The following EXD2 variants were observed in gnomAD, a reference collection of about 807,000 sequenced individuals.
EXD2 encodes exonuclease 3'-5' domain containing 2.
EXD2 carries 40 observed loss-of-function variants against 62.5 expected under a neutral mutation model. The observed-to-expected ratio is 0.64, with a 90% CI of 0.50 to 0.83. The LOEUF is 0.83. EXD2 is among the 40% of genes least tolerant of loss of function. The pLI, the probability that EXD2 is intolerant of heterozygous loss-of-function variation, is 0.00. For synonymous variants in EXD2, 239 were observed against 291.9 expected (o/e 0.82, Z 1.85); for missense variants, 671 against 761.8 (o/e 0.88, Z 1.40).
In EXD2 at chr14:69,201,675, T is replaced by G. The variant is rs899565345; in HGVS notation, c.-131-2242T>G. On this transcript the variant is annotated intron_variant, in intron 1 of 9. Transcript: ENST00000685843. ...TCTCTCAGCAAGTGTTTTCTCTGTT[T>G]TTTTTTTTTTTTTTTTTTTTTTTTT... Among the ~76,000 whole-genome samples the G allele has an allele frequency of 1.4e-3, 174 of 123,736 alleles. No homozygotes were observed. The Middle Eastern group carries it at 0.015, about 11-fold the overall frequency. The allele number at this position is 123,736 out of a possible 152,430, so 81.2% of individuals were successfully genotyped here.
chr14:69,216,778 C>T (rs962430719), intron 3 of EXD2, among the ~76,000 whole-genome samples: 3 of 151,872 alleles, frequency 2.0e-5, no homozygotes, highest in Non-Finnish European at 4.4e-5. Context: ...ATATACATTG[C>T]GGGATAATTA....
At chr14:69,203,690 T>G (rs2042487565) in intron 1 of EXD2, among the ~76,000 whole-genome samples, 1 of 152,238 alleles carries the variant, frequency 6.6e-6, no homozygotes, top group South Asian at 2.1e-4. Context: ...GGTCATGATC[T>G]GTTGGGATTA....
At chr14:69,226,336 T>G (rs1338935639) in intron 3 of EXD2, among the ~76,000 whole-genome samples, 1 of 152,204 alleles carries the variant, frequency 6.6e-6, no homozygotes, top group Non-Finnish European at 1.5e-5. Flanking sequence ...GAGATCAAAC[T>G]GGCATGCTTT....
intron 2 of EXD2, among the ~76,000 whole-genome samples, chr14:69,206,818 A>G (rs1206869143): frequency 6.6e-6 from 1 of 151,852 alleles, no homozygotes; most frequent in African/African-American, 2.4e-5. Context: ...CCTTTCTGGC[A>G]CCTGATGATT....
intron 9 of EXD2, among the ~76,000 whole-genome samples, chr14:69,238,943 C>T (rs990553295): frequency 6.6e-6 from 1 of 152,110 alleles, no homozygotes; most frequent in Non-Finnish European, 1.5e-5. Flanking sequence ...TCATTTTGAT[C>T]TGAGGTTTGA....
intron 1 of EXD2, chr14:69,192,185 T>C (rs1003203000): frequency 2.6e-5 from 4 of 152,162 alleles, no homozygotes; most frequent in Admixed American, 6.5e-5. Flanking sequence ...AAAATTGACA[T>C]CTGCTCCTTA....
chr14:69,225,168 G>T (rs1000063462), intron 3 of EXD2, among the ~76,000 whole-genome samples: 1 of 152,044 alleles, frequency 6.6e-6, no homozygotes, highest in African/African-American at 2.4e-5. Flanking sequence ...TCAAAACCCT[G>T]GTCTAAATTT....
At chr14:69,229,153 T>G in intron 4 of EXD2, 81 bp downstream of exon 4, 1 of 1,540,936 alleles carries the variant, frequency 6.5e-7, no homozygotes, top group Non-Finnish European at 8.8e-7. Flanking sequence ...TGGGACTCAA[T>G]AGTGAGACAT....
chr14:69,220,697 C>T (rs557976733), intron 3 of EXD2, among the ~76,000 whole-genome samples: 1 of 151,256 alleles, frequency 6.6e-6, no homozygotes, highest in Admixed American at 6.6e-5. Flanking sequence ...GGTGAAACCC[C>T]GTCTCTTCTA....
intron 1 of EXD2, among the ~76,000 whole-genome samples, chr14:69,195,424 T>C (rs1340807633): frequency 6.6e-6 from 1 of 152,184 alleles, no homozygotes; most frequent in Non-Finnish European, 1.5e-5. Flanking sequence ...CTTGAACTCC[T>C]GGGTTCAAGT....
chr14:69,220,269 T>A (rs1362762355), intron 3 of EXD2, among the ~76,000 whole-genome samples: 3 of 107,578 alleles, frequency 2.8e-5, no homozygotes, highest in African/African-American at 1.1e-4. Flanking sequence ...TTTTTTTTTT[T>A]TTTTTTTTTT....
intron 3 of EXD2, among the ~76,000 whole-genome samples, chr14:69,210,860 C>A (rs915337918): frequency 6.6e-6 from 1 of 152,134 alleles, no homozygotes. Flanking sequence ...ATTAAGTATG[C>A]AATAACATTA....
chr14:69,191,902 C>T (rs915607131), intron 1 of EXD2: 2 of 152,370 alleles, frequency 1.3e-5, no homozygotes, highest in East Asian at 1.9e-4. Context: ...TTACCCTCTC[C>T]CTGGGAGACT....
At chr14:69,228,556 T>C (rs2043450597) in intron 3 of EXD2, among the ~76,000 whole-genome samples, 1 of 152,156 alleles carries the variant, frequency 6.6e-6, no homozygotes, top group Non-Finnish European at 1.5e-5. Context: ...AGCTCCCCTG[T>C]GTCGGCTGGT....
chr14:69,233,415 T>C (rs1324719969), intron 5 of EXD2, among the ~76,000 whole-genome samples: 2 of 151,806 alleles, frequency 1.3e-5, no homozygotes, highest in African/African-American at 4.8e-5. Context: ...TTTTTTTAAA[T>C]TTAATTTAAT....
intron 9 of EXD2, among the ~76,000 whole-genome samples, chr14:69,238,624 GT>G (rs2043882549): frequency 7.0e-6 from 1 of 143,626 alleles, no homozygotes; most frequent in Admixed American, 6.9e-5. Context: ...TTTCCAAATA[GT>G]TTTGTGGTTT....
In EXD2 at chr14:69,209,694, T is replaced by G; in HGVS notation, c.224T>G (p.Leu75Arg). 1 of 1,550,514 alleles carries G rather than the reference T, an allele frequency of 6.4e-7. No individual in the cohort carries two copies. The highest frequency in any genetic ancestry group is 1.2e-5 in the South Asian group (1 of 84,054). The change falls in exon 3 of 10, where the codon CTT becomes CGT. Residue 75 changes from leucine (L) to arginine (R), a missense_variant. Transcript: ENST00000685843. Reference sequence around the variant, plus strand: ...AGATCCTCGTGGAAGGAACGGATCCTTAAAGCAAAGGTGGTGACGGTGTCT... The same window carrying G: ...AGATCCTCGTGGAAGGAACGGATCCGTAAAGCAAAGGTGGTGACGGTGTCT... ...APRSSWKERI[L>R]KAKVVTVSQE...
intron 3 of EXD2, among the ~76,000 whole-genome samples, chr14:69,223,453 G>A (rs1454946775): frequency 6.6e-6 from 1 of 152,156 alleles, no homozygotes; most frequent in African/African-American, 2.4e-5. Context: ...ATGATTGAAA[G>A]GCAGAAATAA....
intron 1 of EXD2, among the ~76,000 whole-genome samples, chr14:69,203,285 T>C (rs2042469885): frequency 6.6e-6 from 1 of 151,732 alleles, no homozygotes; most frequent in African/African-American, 2.4e-5. Flanking sequence ...CATGTTGCCC[T>C]AGGTAGTCTT....
Sources: allele counts gnomAD v4.1 joint callset (sites outside exome capture counted in the v4.1 genomes callset), GRCh38; gene constraint gnomAD v4.1.1; transcripts MANE v1.5; gene names NCBI Gene and HGNC (gene_info 2026-07-23, HGNC 2026-07-21).